Variants in COL19A1 observed in about 807,000 individuals in gnomAD.
COL19A1 encodes collagen alpha-1(XIX) chain.
A neutral mutation model predicts 190.2 loss-of-function variants in COL19A1; 159 were observed. The ratio of observed to expected loss-of-function variants is 0.84; its 90% CI spans 0.73 to 0.95. COL19A1 has a LOEUF of 0.95. COL19A1 is among the 40% of genes least tolerant of loss of function. The pLI is 0.00. For synonymous variants in COL19A1, 509 were observed against 458.9 expected (o/e 1.11, Z -1.39); for missense variants, 1,418 against 1,431.9 (o/e 0.99, Z 0.16).
At chr6:70,068,590 C>A in intron 15 of COL19A1, 114 bp downstream of exon 15, 1 of 597,806 alleles carries the variant, frequency 1.7e-6, no homozygotes, top group South Asian at 2.4e-5. Context: ...TGGAGAGTAT[C>A]AATTATCCAA....
chr6:70,092,977 T>C (rs1013728360), intron 15 of COL19A1, among the ~76,000 whole-genome samples: 9 of 152,242 alleles, frequency 5.9e-5, no homozygotes, highest in African/African-American at 2.2e-4. Context: ...ACTGTTTTTA[T>C]TTTAACATTT....
chr6:70,139,451 C>T (rs549790908), intron 19 of COL19A1, among the ~76,000 whole-genome samples: 41 of 151,998 alleles, frequency 2.7e-4, no homozygotes, highest in Non-Finnish European at 5.9e-4. Flanking sequence ...AACTCTTCTC[C>T]ATACCAGGTC....
chr6:69,987,102 G>T (rs1006996460), intron 11 of COL19A1, among the ~76,000 whole-genome samples: 3 of 151,848 alleles, frequency 2.0e-5, no homozygotes, highest in African/African-American at 7.3e-5. Context: ...TTTTTTTGTT[G>T]TTGTTCAAAA....
At chr6:69,872,009 T>G (rs2487434) in intron 1 of COL19A1, among the ~76,000 whole-genome samples, 74,097 of 151,630 alleles carry the variant, frequency 0.49, 18,771 homozygotes, top group African/African-American at 0.63. Flanking sequence ...TAGAGACGGG[T>G]TTTCACCATG....
intron 15 of COL19A1, among the ~76,000 whole-genome samples, chr6:70,080,083 T>C (rs1782149849): frequency 6.6e-6 from 1 of 152,342 alleles, no homozygotes; most frequent in African/African-American, 2.4e-5. Flanking sequence ...GACACTCACT[T>C]TGAGGACAAA....
Position 70,149,979 on chromosome 6 carries a change from C to T in COL19A1, c.1984-13C>T, listed in dbSNP as rs747367938. ...CACGTGCAAAGATTGAACATGGATACCTCTGTTTTCAGGGAGTTCCAGGGA... is the reference window on the plus strand; with the variant it reads ...CACGTGCAAAGATTGAACATGGATATCTCTGTTTTCAGGGAGTTCCAGGGA... On this transcript the variant is annotated splice_polypyrimidine_tract_variant and intron_variant, in intron 29 of 50. Transcript: ENST00000620364. 29 of 1,613,712 alleles carry T rather than the reference C, an allele frequency of 1.8e-5. No homozygotes were observed. The South Asian group carries it at 3.0e-4, about 16-fold the overall frequency.
At position 69,990,835 on chromosome 6, in the gene COL19A1, G is replaced by T. The variant is rs12528710; in HGVS notation, c.1026+27965G>T. 2.9e-3 allele frequency among the ~76,000 whole-genome samples: 445 copies of T among 151,834 alleles called. 1 individual carries two copies. The highest frequency in any genetic ancestry group is 0.02 in the Middle Eastern group (6 of 294). On this transcript the variant is annotated intron_variant, in intron 11 of 50. Transcript: ENST00000620364. Reference sequence around the variant, plus strand: ...TATCTAGGCCAATTAATTCATTCAGGGTCACAAAATGGTGATTTCTTAAAA... The same window carrying T: ...TATCTAGGCCAATTAATTCATTCAGTGTCACAAAATGGTGATTTCTTAAAA...
chr6:69,871,088 A>T (rs767195441), intron 1 of COL19A1, among the ~76,000 whole-genome samples: 3 of 152,230 alleles, frequency 2.0e-5, no homozygotes, highest in Admixed American at 6.5e-5. Context: ...ACTTCAATTT[A>T]ATTACTCCAG....
intron 9 of COL19A1, among the ~76,000 whole-genome samples, chr6:69,957,904 T>C (rs1249296426): frequency 6.6e-6 from 1 of 152,214 alleles, no homozygotes; most frequent in Non-Finnish European, 1.5e-5. Flanking sequence ...ACACATTTCC[T>C]ATGAGATAAT....
chr6:69,996,231 A>G (rs1405683109), intron 11 of COL19A1, among the ~76,000 whole-genome samples: 2 of 152,168 alleles, frequency 1.3e-5, no homozygotes, highest in African/African-American at 2.4e-5. Flanking sequence ...ATCACAAAGG[A>G]TAATAATAGA....
chr6:70,161,173 T>C (rs1274345478), intron 34 of COL19A1, among the ~76,000 whole-genome samples: 1 of 152,162 alleles, frequency 6.6e-6, no homozygotes, highest in Admixed American at 6.6e-5. Flanking sequence ...AAATTTAAAT[T>C]CACCAGTGAG....
At chr6:70,039,452 C>T (rs1779523844) in intron 14 of COL19A1, among the ~76,000 whole-genome samples, 3 of 152,152 alleles carry the variant, frequency 2.0e-5, no homozygotes, top group Non-Finnish European at 1.5e-5. Context: ...AGATGAACGT[C>T]CATCTCCACA....
Position 70,004,979 on chromosome 6 carries a change from C to T in COL19A1, c.1027-18648C>T, listed in dbSNP as rs549651825. Among the ~76,000 whole-genome samples, 458 of 152,078 alleles carry T rather than the reference C, an allele frequency of 3.0e-3. 2 individuals carry two copies. The highest frequency in any genetic ancestry group is 4.7e-3 in the Non-Finnish European group (317 of 67,968). On this transcript the variant is annotated intron_variant, in intron 11 of 50. Transcript: ENST00000620364. Reference sequence around the variant, plus strand: ...TCCTGAGTAGCTGGGACTACAGGTGCCTGCCACCACACCCAGCTAATATTT... The same window carrying T: ...TCCTGAGTAGCTGGGACTACAGGTGTCTGCCACCACACCCAGCTAATATTT...
Position 70,174,984 on chromosome 6 carries a change from A to C in COL19A1, c.2623-1536A>C, listed in dbSNP as rs1765718319. 2.6e-5 allele frequency among the ~76,000 whole-genome samples: 4 copies of C among 152,232 alleles called. 1 individual carries two copies. In the South Asian group the frequency reaches 8.3e-4, roughly 31 times the overall value. ...AGGTGTAACTATGAAAATAAGAGGT[A>C]AGTTCATTCGAGAATAGTGGTTAAG... is the stretch of plus-strand genomic sequence containing the variant. On this transcript the variant is annotated intron_variant, in intron 41 of 50. Transcript: ENST00000620364.
At chr6:70,084,307 T>A (rs1451077676) in intron 15 of COL19A1, among the ~76,000 whole-genome samples, 1 of 152,196 alleles carries the variant, frequency 6.6e-6, no homozygotes, top group East Asian at 1.9e-4. Context: ...GAAGTTAATA[T>A]GACTTGTTCA....
At chr6:70,045,731 A>G (rs1300337335) in intron 14 of COL19A1, among the ~76,000 whole-genome samples, 1 of 152,166 alleles carries the variant, frequency 6.6e-6, no homozygotes, top group African/African-American at 2.4e-5. Flanking sequence ...TCAGGATTTG[A>G]CAAACCAACC....
intron 8 of COL19A1, among the ~76,000 whole-genome samples, chr6:69,937,465 C>T (rs941676744): frequency 1.3e-5 from 2 of 152,012 alleles, no homozygotes; most frequent in Admixed American, 1.3e-4. Context: ...GTGCCATGGA[C>T]CTTTATGAAC....
intron 17 of COL19A1, among the ~76,000 whole-genome samples, chr6:70,122,315 T>C (rs1339828263): frequency 4.6e-5 from 7 of 152,124 alleles, no homozygotes; most frequent in Admixed American, 3.3e-4. Context: ...TCAAAACCAA[T>C]AGGTGTTGCG....
At chr6:69,918,745 A>G (rs1771487773) in intron 4 of COL19A1, among the ~76,000 whole-genome samples, 1 of 152,064 alleles carries the variant, frequency 6.6e-6, no homozygotes, top group South Asian at 2.1e-4. Context: ...AAAACCAGTA[A>G]GACTTGCTGA....
Sources: allele counts gnomAD v4.1 joint callset (sites outside exome capture counted in the v4.1 genomes callset), GRCh38; gene constraint gnomAD v4.1.1; transcripts MANE v1.5; gene names NCBI Gene and HGNC (gene_info 2026-07-23, HGNC 2026-07-21).